The following IKZF2 variants were observed in gnomAD, a reference collection of about 807,000 sequenced individuals.
IKZF2 encodes zinc finger protein Helios.
A neutral mutation model predicts 49.2 loss-of-function variants in IKZF2; 15 were observed. That is an observed-to-expected ratio of 0.30 (90% confidence interval 0.20 to 0.47). IKZF2 has a LOEUF of 0.47. Among genes scored for constraint, IKZF2 ranks in the 20% least tolerant of loss-of-function variants. The pLI, the probability that IKZF2 is intolerant of heterozygous loss-of-function variation, is 1.00. For missense variants in IKZF2, 567 were observed against 664.6 expected, an observed-to-expected ratio of 0.85 and a Z score of 1.61; for synonymous variants, 227 against 221.4, an observed-to-expected ratio of 1.03 and a Z score of -0.23.
intron 4 of IKZF2, among the ~76,000 whole-genome samples, chr2:213,112,746 A>G (rs755450879): frequency 4.6e-5 from 7 of 152,214 alleles, no homozygotes; most frequent in Admixed American, 1.3e-4. Context: ...TAGAAATATC[A>G]TATTAGCTAA....
intron 6 of IKZF2, among the ~76,000 whole-genome samples, chr2:213,048,679 A>T (rs889340426): frequency 1.3e-5 from 2 of 152,032 alleles, no homozygotes; most frequent in Non-Finnish European, 2.9e-5. Flanking sequence ...CATTAATTTA[A>T]TTTTTTTGTA....
intron 4 of IKZF2, among the ~76,000 whole-genome samples, chr2:213,100,250 A>C (rs75087804): frequency 0.036 from 5,472 of 152,182 alleles, 346 homozygotes; most frequent in African/African-American, 0.12. Context: ...AACTTTGGTG[A>C]CAGTTTTAAG....
intron 4 of IKZF2, among the ~76,000 whole-genome samples, chr2:213,106,854 T>C (rs1256269914): frequency 6.6e-6 from 1 of 152,108 alleles, no homozygotes; most frequent in African/African-American, 2.4e-5. Flanking sequence ...GTGATTAATA[T>C]GTAATCTTGA....
rs1695289594 is a variant in IKZF2, at chr2:213,005,740, A to C, written c.*1620T>G. 2 of 152,058 alleles carry C rather than the reference A, an allele frequency of 1.3e-5. No individual in the cohort carries two copies. Among genetic ancestry groups the C allele is most frequent in the South Asian group, 4.1e-4 (2 of 4,828 alleles). 9.4% of individuals were successfully genotyped at this position (152,058 alleles called of 1,614,324 possible). ...TCTGCCTTCCAAGTATGTCCCCCTAAAATGACTTGAATCAATATCACTCGG... is the reference window on the plus strand; with the variant it reads ...TCTGCCTTCCAAGTATGTCCCCCTACAATGACTTGAATCAATATCACTCGG... On this transcript the variant is annotated 3_prime_UTR_variant, in exon 9 of 9. Transcript: ENST00000434687.
chr2:213,112,481 G>C (rs2059742726), intron 4 of IKZF2, among the ~76,000 whole-genome samples: 1 of 137,282 alleles, frequency 7.3e-6, no homozygotes, highest in Non-Finnish European at 1.6e-5. Flanking sequence ...TTTTTTTTAA[G>C]ACAGGGTCTC....
chr2:213,010,671 A>ATG (rs915719102), intron 8 of IKZF2, among the ~76,000 whole-genome samples: 2 of 151,958 alleles, frequency 1.3e-5, no homozygotes, highest in Non-Finnish European at 2.9e-5. Context: ...GTGTCCATAC[A>ATG]TGTGTGTGTG....
At chr2:213,111,855 G>A (rs1373443253) in intron 4 of IKZF2, among the ~76,000 whole-genome samples, 1 of 152,062 alleles carries the variant, frequency 6.6e-6, no homozygotes, top group African/African-American at 2.4e-5. Context: ...ATAAATATTA[G>A]ATTTCCTATT....
chr2:213,114,317 T>C (rs1310959337), intron 4 of IKZF2, among the ~76,000 whole-genome samples: 2 of 152,168 alleles, frequency 1.3e-5, no homozygotes, highest in East Asian at 1.9e-4. Context: ...ATCCTAAATG[T>C]AAATTGTTAC....
intron 6 of IKZF2, among the ~76,000 whole-genome samples, chr2:213,041,419 C>T (rs1485034404): frequency 6.6e-6 from 1 of 152,064 alleles, no homozygotes; most frequent in East Asian, 1.9e-4. Flanking sequence ...CCTCCTGCCT[C>T]AGCCTCCCGA....
At chr2:213,136,377 A>T in intron 4 of IKZF2, among the ~76,000 whole-genome samples, 1 of 115,650 alleles carries the variant, frequency 8.6e-6, no homozygotes, top group Non-Finnish European at 1.9e-5. Context: ...TCTCAAAAAA[A>T]AAAAAAAAAA....
intron 4 of IKZF2, among the ~76,000 whole-genome samples, chr2:213,130,548 A>G (rs2060441676): frequency 6.6e-6 from 1 of 152,224 alleles, no homozygotes; most frequent in Non-Finnish European, 1.5e-5. Flanking sequence ...GTGATTTAAA[A>G]TAATCTTACT....
chr2:213,098,150 T>G (rs1040967477), intron 4 of IKZF2, among the ~76,000 whole-genome samples: 23 of 152,142 alleles, frequency 1.5e-4, no homozygotes, highest in African/African-American at 5.6e-4. Context: ...CCTACCCCTA[T>G]TTTTATTAAA....
chr2:213,125,127 T>A (rs563029156), intron 4 of IKZF2, among the ~76,000 whole-genome samples: 2 of 152,306 alleles, frequency 1.3e-5, no homozygotes, highest in African/African-American at 4.8e-5. Flanking sequence ...TTTACCAAGA[T>A]AACTAGTGAA....
chr2:213,038,164 C>T (rs1454154264), intron 6 of IKZF2, among the ~76,000 whole-genome samples: 2 of 151,224 alleles, frequency 1.3e-5, no homozygotes, highest in Non-Finnish European at 2.9e-5. Context: ...AGATGCACGC[C>T]GTTCTCCTGC....
chr2:213,144,567 T>C (rs2060979566), intron 4 of IKZF2, among the ~76,000 whole-genome samples: 1 of 151,912 alleles, frequency 6.6e-6, no homozygotes, highest in Non-Finnish European at 1.5e-5. Context: ...ATTATTTTTA[T>C]ATTGTTCTGT....
chr2:213,098,435 C>T (rs1349076764), intron 4 of IKZF2, among the ~76,000 whole-genome samples: 2 of 149,754 alleles, frequency 1.3e-5, no homozygotes, highest in Non-Finnish European at 2.9e-5. Context: ...GGCATTCAAC[C>T]TTACACAAAA....
chr2:213,027,220 T>A (rs1697907386), intron 6 of IKZF2, among the ~76,000 whole-genome samples: 1 of 152,122 alleles, frequency 6.6e-6, no homozygotes, highest in South Asian at 2.1e-4. Context: ...AAACACCCTC[T>A]CAATTCTCAC....
chr2:213,035,596 A>C (rs529770209), intron 6 of IKZF2, among the ~76,000 whole-genome samples: 12 of 152,360 alleles, frequency 7.9e-5, no homozygotes, highest in African/African-American at 2.9e-4. Context: ...CTATGCCAAG[A>C]TCTTGGGAAA....
At chr2:213,077,636 G>A (rs1395612874) in intron 4 of IKZF2, among the ~76,000 whole-genome samples, 2 of 139,490 alleles carry the variant, frequency 1.4e-5, no homozygotes, top group Non-Finnish European at 3.0e-5. Context: ...CGCCCAGGCT[G>A]GAGTGCAGTG....
Sources: gnomAD v4.1 joint callset for allele counts (sites outside exome capture counted in the v4.1 genomes callset) on GRCh38, gnomAD v4.1.1 for gene constraint, MANE v1.5 for transcripts, NCBI Gene and HGNC (gene_info 2026-07-23, HGNC 2026-07-21) for gene names.